MTUS2: variants seen among roughly 807,000 people sequenced by gnomAD.
MTUS2 encodes microtubule associated scaffold protein 2, also known as microtubule-associated tumor suppressor candidate 2.
A neutral mutation model predicts 114.1 loss-of-function variants in MTUS2; 40 were observed. The observed-to-expected ratio is 0.35, with a 90% CI of 0.27 to 0.46. The LOEUF is 0.46. Among genes scored for constraint, MTUS2 ranks in the 20% least tolerant of loss-of-function variants. The probability of loss-of-function intolerance (pLI) is 1.00; values close to 1 mark genes in which losing one functional copy is unlikely to be tolerated. For synonymous variants in MTUS2, 688 were observed against 672.0 expected, an observed-to-expected ratio of 1.02 and a Z score of -0.37; for missense variants, 1,679 against 1,705.4, an observed-to-expected ratio of 0.98 and a Z score of 0.27.
intron 8 of MTUS2, among the ~76,000 whole-genome samples, chr13:29,408,370 C>T (rs939451853): frequency 5.3e-5 from 8 of 152,130 alleles, no homozygotes; most frequent in African/African-American, 1.9e-4. Flanking sequence ...GGCTGGAGTG[C>T]CATGGTACAA....
At chr13:29,466,353 C>T (rs967689683) in intron 9 of MTUS2, among the ~76,000 whole-genome samples, 7 of 152,126 alleles carry the variant, frequency 4.6e-5, no homozygotes, top group Non-Finnish European at 1.0e-4. Flanking sequence ...TGCCTGAAAG[C>T]CTTGCTTCTT....
intron 10 of MTUS2, among the ~76,000 whole-genome samples, chr13:29,487,121 C>T (rs747660377): frequency 9.9e-5 from 15 of 152,188 alleles, no homozygotes; most frequent in Non-Finnish European, 2.1e-4. Context: ...CCAGGAGCAC[C>T]ACATTGCCTG....
At chr13:29,280,610 A>G (rs920497600) in intron 5 of MTUS2, among the ~76,000 whole-genome samples, 5 of 152,186 alleles carry the variant, frequency 3.3e-5, no homozygotes, top group Admixed American at 1.3e-4. Flanking sequence ...GTTTAGACTA[A>G]CCTTTGAAAA....
At chr13:28,915,603 A>G (rs947661824) in intron 2 of MTUS2, among the ~76,000 whole-genome samples, 1 of 151,918 alleles carries the variant, frequency 6.6e-6, no homozygotes, top group Non-Finnish European at 1.5e-5. Flanking sequence ...CTTCTTTTGA[A>G]AAATGTTGAT....
At chr13:29,332,074 A>T (rs1454953442) in intron 7 of MTUS2, among the ~76,000 whole-genome samples, 1 of 152,228 alleles carries the variant, frequency 6.6e-6, no homozygotes, top group Admixed American at 6.5e-5. Flanking sequence ...CTGGCCTCAT[A>T]AAATGAGTTA....
intron 5 of MTUS2, among the ~76,000 whole-genome samples, chr13:29,178,576 C>T (rs932938954): frequency 3.3e-5 from 5 of 152,042 alleles, no homozygotes; most frequent in Non-Finnish European, 4.4e-5. Context: ...AGTAGCACTT[C>T]AGCCCAGTTG....
At chr13:29,193,732 G>A (rs531863080) in intron 5 of MTUS2, among the ~76,000 whole-genome samples, 261 of 151,982 alleles carry the variant, frequency 1.7e-3, no homozygotes, top group Middle Eastern at 0.01. Context: ...TCACAGAATT[G>A]GAAAAAACTA....
At chr13:28,914,567 T>G (rs569617977) in intron 2 of MTUS2, among the ~76,000 whole-genome samples, 8 of 152,214 alleles carry the variant, frequency 5.3e-5, no homozygotes, top group African/African-American at 1.9e-4. Context: ...ATTCTGTTGT[T>G]TTTGGGTGGA....
rs561828998 is a variant in MTUS2, at chr13:28,936,668, G to A, written c.-242-87789G>A. On this transcript the variant is annotated intron_variant, in intron 2 of 15. Coordinates refer to ENST00000612955, the MANE Select transcript of MTUS2 (RefSeq NM_001033602.4). ...GCAGCGTTGGAGGAGGGCGTGTGGG[G>A]TGTGACAAGTTAGCCTTTTTCTCAT... 2.6e-5 allele frequency among the ~76,000 whole-genome samples: 4 copies of A among 152,124 alleles called. No homozygotes were observed. In the South Asian group the frequency reaches 6.2e-4, roughly 24 times the overall value.
chr13:28,953,827 A>G (rs1232649902), intron 2 of MTUS2, among the ~76,000 whole-genome samples: 2 of 152,182 alleles, frequency 1.3e-5, no homozygotes, highest in African/African-American at 2.4e-5. Context: ...ATATGGGGCA[A>G]GTAAGAGGAC....
chr13:29,405,381 A>T (rs1312669440), intron 8 of MTUS2, among the ~76,000 whole-genome samples: 2 of 152,218 alleles, frequency 1.3e-5, no homozygotes, highest in African/African-American at 4.8e-5. Flanking sequence ...TCCAAATATG[A>T]TGGCTTTTAG....
At chr13:29,144,643 C>T (rs1892358401) in intron 5 of MTUS2, among the ~76,000 whole-genome samples, 1 of 152,156 alleles carries the variant, frequency 6.6e-6, no homozygotes. Context: ...CCCTCAGTTC[C>T]TAGAGGCTAC....
In MTUS2 at chr13:29,034,074, C is replaced by T. The variant is rs1007016503; in HGVS notation, c.2395C>T (p.Pro799Ser). 5.0e-6 allele frequency: 8 copies of T among 1,613,822 alleles called. No individual in the cohort carries two copies. The African/African-American group carries it at 8.0e-5, about 16-fold the overall frequency. Residue 799 changes from proline to serine, a missense_variant, in exon 4 of 16, where the codon CCA (proline) becomes TCA (serine). Physicochemically the swap from Pro to Ser is moderately conservative, Grantham distance 74. This residue lies in a region of MTUS2 where 822 missense variants were observed against 899.7 expected (regional missense o/e 0.91). Transcript: ENST00000612955. Reference sequence around the variant, plus strand: ...GAGGTCTTCAGCGAGCGCCATCCACCCACCAGGACCCATAACAACAGCCAC... The same window carrying T: ...GAGGTCTTCAGCGAGCGCCATCCACTCACCAGGACCCATAACAACAGCCAC... ...SQRSSASAIHPPGPITTATSL... is the reference protein window; with the variant it reads ...SQRSSASAIHSPGPITTATSL...
chr13:29,343,448 G>A (rs1341981301), intron 7 of MTUS2, among the ~76,000 whole-genome samples: 1 of 151,812 alleles, frequency 6.6e-6, no homozygotes, highest in Admixed American at 6.6e-5. Flanking sequence ...ATGTAAAGGT[G>A]TTTATAGTAG....
chr13:29,314,816 C>T (rs531694770), intron 6 of MTUS2, among the ~76,000 whole-genome samples: 2 of 152,254 alleles, frequency 1.3e-5, no homozygotes, highest in African/African-American at 4.8e-5. Context: ...AGCAGTTCTA[C>T]TACTGGGTAT....
rs188730215 is a variant in MTUS2 at position 29,141,542 on chromosome 13, C to T, written c.2644+40572C>T. On this transcript the variant is annotated intron_variant, in intron 5 of 15. Coordinates refer to ENST00000612955, the MANE Select transcript of MTUS2 (RefSeq NM_001033602.4). ...GTCATAGAAGTCTAACCTCATGGAG[C>T]CCCATGACGACAAGCTTTGGGTGCA... Among the ~76,000 whole-genome samples, 8 of 152,238 alleles carry T rather than the reference C, an allele frequency of 5.3e-5. 1 individual carries two copies. Among genetic ancestry groups the T allele is most frequent in the South Asian group, 4.1e-4 (2 of 4,820 alleles).
chr13:29,351,593 G>T (rs1869277232), intron 7 of MTUS2, among the ~76,000 whole-genome samples: 1 of 150,262 alleles, frequency 6.7e-6, no homozygotes, highest in South Asian at 2.1e-4. Flanking sequence ...CTGATTTCTT[G>T]GTTAGTAAGT....
chr13:29,042,565 C>G (rs1335524922), intron 4 of MTUS2, among the ~76,000 whole-genome samples: 1 of 152,042 alleles, frequency 6.6e-6, no homozygotes, highest in Non-Finnish European at 1.5e-5. Context: ...TTGAAGGTCT[C>G]ATAGAATTCA....
At chr13:29,375,499 C>CTTACTTTTAATGGCAAAAACCGCAATTA (rs2138326503) in intron 8 of MTUS2, among the ~76,000 whole-genome samples, 1 of 130,168 alleles carries the variant, frequency 7.7e-6, no homozygotes, top group African/African-American at 2.9e-5. Flanking sequence ...ACCGCAATCA[C>CTTACTTTTAATGGCAAAAACCGCAATTA]CTTTGCACCA....
Sources: gnomAD v4.1 joint callset for allele counts (sites outside exome capture counted in the v4.1 genomes callset) on GRCh38, gnomAD v4.1.1 for gene constraint, gnomAD v4.1.1 regional missense constraint, MANE v1.5 for transcripts, NCBI Gene and HGNC (gene_info 2026-07-23, HGNC 2026-07-21) for gene names.